The following FGD4 variants were observed in gnomAD, a reference collection of about 807,000 sequenced individuals.
The protein encoded by FGD4 is FYVE, RhoGEF and PH domain-containing protein 4.
In FGD4, 42 loss-of-function variants were observed where a neutral mutation model predicts 102.0. The observed-to-expected ratio is 0.41, with a 90% CI of 0.32 to 0.53. FGD4 has a LOEUF of 0.53. Ranked by LOEUF, FGD4 falls within the 20% of genes least tolerant of loss-of-function variation. The pLI, the probability that FGD4 is intolerant of heterozygous loss-of-function variation, is 0.21. For missense variants in FGD4, 902 were observed against 1,078.2 expected (o/e 0.84, Z 2.29); for synonymous variants, 380 against 375.7 (o/e 1.01, Z -0.13).
At chr12:32,540,769 C>T (rs1018149487) in intron 1 of FGD4, among the ~76,000 whole-genome samples, 15 of 151,982 alleles carry the variant, frequency 9.9e-5, no homozygotes, top group African/African-American at 3.4e-4. Context: ...TTCTCCATGT[C>T]GGTCAGGCTG....
intron 7 of FGD4, among the ~76,000 whole-genome samples, chr12:32,604,764 G>C (rs1189487254): frequency 6.6e-6 from 1 of 152,154 alleles, no homozygotes; most frequent in Non-Finnish European, 1.5e-5. Context: ...TAGTGACTGA[G>C]CTGGGAGAGG....
intron 1 of FGD4, among the ~76,000 whole-genome samples, chr12:32,441,702 T>C (rs1301264985): frequency 6.6e-6 from 1 of 152,046 alleles, no homozygotes; most frequent in Non-Finnish European, 1.5e-5. Context: ...GTCCACTGTC[T>C]CTGGGCCTAG....
chr12:32,442,307 C>T (rs1942466434), intron 1 of FGD4, among the ~76,000 whole-genome samples: 1 of 152,032 alleles, frequency 6.6e-6, no homozygotes, highest in Non-Finnish European at 1.5e-5. Context: ...CCCACCTCAG[C>T]CCCCCAAAGT....
chr12:32,410,276 C>T (rs1254612176), intron 1 of FGD4, among the ~76,000 whole-genome samples: 3 of 151,314 alleles, frequency 2.0e-5, no homozygotes. Flanking sequence ...TGCAGTGAGC[C>T]GAGATTGTGC....
chr12:32,516,095 TAAC>T (rs1345709534), intron 1 of FGD4, among the ~76,000 whole-genome samples: 1 of 151,508 alleles, frequency 6.6e-6, no homozygotes, highest in African/African-American at 2.4e-5. Flanking sequence ...AGGAGAAAAA[TAAC>T]AACAACAATT....
intron 1 of FGD4, among the ~76,000 whole-genome samples, chr12:32,444,483 C>G (rs1942554696): frequency 1.3e-5 from 2 of 152,128 alleles, no homozygotes; most frequent in African/African-American, 4.8e-5. Context: ...CGGCTCACCA[C>G]AATCTCCGTC....
chr12:32,431,981 C>T (rs1295912005), intron 1 of FGD4, among the ~76,000 whole-genome samples: 1 of 151,398 alleles, frequency 6.6e-6, no homozygotes, highest in Non-Finnish European at 1.5e-5. Context: ...ATCTTCTGGC[C>T]GTCTCTGGGC....
chr12:32,606,300 C>CG (rs1555216308), intron 7 of FGD4, among the ~76,000 whole-genome samples: 1 of 151,694 alleles, frequency 6.6e-6, no homozygotes, highest in African/African-American at 2.4e-5. Flanking sequence ...TAGTTTCCCC[C>CG]GTCCCCCTAA....
intron 1 of FGD4, among the ~76,000 whole-genome samples, chr12:32,484,340 A>C (rs1182204576): frequency 6.9e-6 from 1 of 145,932 alleles, no homozygotes; most frequent in African/African-American, 2.5e-5. Flanking sequence ...CCTACTCTCA[A>C]AGTGCTTTAA....
intron 1 of FGD4, among the ~76,000 whole-genome samples, chr12:32,467,747 G>A (rs1943301025): frequency 6.6e-6 from 1 of 152,134 alleles, no homozygotes; most frequent in Non-Finnish European, 1.5e-5. Context: ...CGGGCTTGGT[G>A]GCTCACGCCT....
chr12:32,432,558 C>T (rs1006730852), intron 1 of FGD4, among the ~76,000 whole-genome samples: 29 of 150,468 alleles, frequency 1.9e-4, no homozygotes, highest in African/African-American at 5.4e-4. Context: ...GAGCCAAGAT[C>T]GCGCCACTGC....
intron 1 of FGD4, among the ~76,000 whole-genome samples, chr12:32,473,159 C>G (rs1358849268): frequency 6.6e-6 from 1 of 152,064 alleles, no homozygotes; most frequent in African/African-American, 2.4e-5. Flanking sequence ...CCTGACAAAA[C>G]AGGCCACTGG....
chr12:32,576,411 T>G lies in FGD4; in HGVS notation c.465T>G (p.Ser155Arg). Residue 155 changes from serine to arginine, a missense_variant, in exon 3 of 17, where the codon AGT becomes AGG. This residue lies in a region of FGD4 where 443 missense variants were observed against 459.2 expected (regional missense o/e 0.96). Transcript: ENST00000534526. Reference sequence around the variant, plus strand: ...CTTGTGTCTCAAAAGAAAAACCCAGTAAGGTATCAGATCTCATCAGTCGCT... The same window carrying G: ...CTTGTGTCTCAAAAGAAAAACCCAGGAAGGTATCAGATCTCATCAGTCGCT... ...SASCVSKEKP[S>R]KVSDLISRFE... is the part of the protein sequence containing the mutation. 6.2e-7 allele frequency: 1 copy of G among 1,614,014 alleles called. No individual in the cohort carries two copies. Among genetic ancestry groups the G allele is most frequent in the Non-Finnish European group, 8.5e-7 (1 of 1,179,992 alleles).
At chr12:32,561,070 GTTTTGTTTTTTTTT>G (rs1365159140) in intron 1 of FGD4, among the ~76,000 whole-genome samples, 11 of 90,812 alleles carry the variant, frequency 1.2e-4, no homozygotes, top group South Asian at 8.2e-4. Flanking sequence ...TCTTTGTTGG[GTTTTGTTTTTTTTT>G]TTTTTTTTTT....
chr12:32,419,060 C>A (rs325420), intron 1 of FGD4, among the ~76,000 whole-genome samples: 82,710 of 151,882 alleles, frequency 0.54, 23,602 homozygotes, highest in African/African-American at 0.72. Context: ...AGGGCTCTTC[C>A]GTCAGCTTGT....
chr12:32,433,659 A>C (rs1338772842), intron 1 of FGD4, among the ~76,000 whole-genome samples: 3 of 152,024 alleles, frequency 2.0e-5, no homozygotes, highest in Non-Finnish European at 4.4e-5. Flanking sequence ...TTTTTAATGT[A>C]GCTTTCAAAA....
At chr12:32,559,967 T>G (rs974546475) in intron 1 of FGD4, among the ~76,000 whole-genome samples, 2 of 152,232 alleles carry the variant, frequency 1.3e-5, no homozygotes, top group Non-Finnish European at 2.9e-5. Flanking sequence ...CATTAGTTTC[T>G]TCCTCTAGTT....
At chr12:32,478,568 TTGTTAAGTA>T (rs1170189929) in intron 1 of FGD4, among the ~76,000 whole-genome samples, 1 of 152,214 alleles carries the variant, frequency 6.6e-6, no homozygotes, top group Non-Finnish European at 1.5e-5. Context: ...GCCTGGCTTC[TTGTTAAGTA>T]TTGAAATAAC....
chr12:32,407,781 A>G (rs1014641975), intron 1 of FGD4, among the ~76,000 whole-genome samples: 12 of 152,082 alleles, frequency 7.9e-5, no homozygotes, highest in African/African-American at 2.9e-4. Context: ...ATCTGAGGTG[A>G]GCTCAACCGA....
Sources: gnomAD v4.1 joint callset for allele counts (sites outside exome capture counted in the v4.1 genomes callset) on GRCh38, gnomAD v4.1.1 for gene constraint, gnomAD v4.1.1 regional missense constraint, MANE v1.5 for transcripts, NCBI Gene and HGNC (gene_info 2026-07-23, HGNC 2026-07-21) for gene names.